The following ZNF521 variants were observed in gnomAD, a reference collection of about 807,000 sequenced individuals.
ZNF521 encodes the protein zinc finger protein 521.
ZNF521 carries 14 observed loss-of-function variants against 105.5 expected under a neutral mutation model. That is an observed-to-expected ratio of 0.13 (90% confidence interval 0.09 to 0.21). The LOEUF is 0.21. Among genes scored for constraint, ZNF521 ranks in the 10% least tolerant of loss-of-function variants. The probability of loss-of-function intolerance (pLI) is 1.00; values close to 1 mark genes in which losing one functional copy is unlikely to be tolerated. For missense variants in ZNF521, 1,233 were observed against 1,629.7 expected, an observed-to-expected ratio of 0.76 and a Z score of 4.19; for synonymous variants, 635 against 606.0, an observed-to-expected ratio of 1.05 and a Z score of -0.70.
intron 5 of ZNF521, among the ~76,000 whole-genome samples, chr18:25,102,132 T>G (rs2033977489): frequency 6.6e-6 from 1 of 152,136 alleles, no homozygotes; most frequent in East Asian, 1.9e-4. Flanking sequence ...TATAAAGCAA[T>G]TAATATCCCT....
intron 3 of ZNF521, among the ~76,000 whole-genome samples, chr18:25,284,458 C>T (rs890689371): frequency 4.6e-5 from 7 of 152,040 alleles, no homozygotes; most frequent in Admixed American, 1.3e-4. Flanking sequence ...AATAACAATA[C>T]GTCACACAAA....
intron 3 of ZNF521, among the ~76,000 whole-genome samples, chr18:25,308,572 G>C (rs897394586): frequency 5.9e-5 from 9 of 151,312 alleles, no homozygotes; most frequent in Admixed American, 5.9e-4. Context: ...TCTCGGCCTG[G>C]CTAACTCTTG....
intron 3 of ZNF521, among the ~76,000 whole-genome samples, chr18:25,282,007 A>G (rs113201088): frequency 0.042 from 6,424 of 152,004 alleles, 452 homozygotes; most frequent in African/African-American, 0.15. Flanking sequence ...TGTTTTTCAG[A>G]CTCTTGAAAA....
At chr18:25,313,389 A>G (rs1912429737) in intron 3 of ZNF521, among the ~76,000 whole-genome samples, 1 of 152,192 alleles carries the variant, frequency 6.6e-6, no homozygotes, top group South Asian at 2.1e-4. Flanking sequence ...CAACAAGAAA[A>G]CAGCAAATCT....
At chr18:25,254,708 G>A (rs1254564956) in intron 3 of ZNF521, among the ~76,000 whole-genome samples, 1 of 152,106 alleles carries the variant, frequency 6.6e-6, no homozygotes, top group African/African-American at 2.4e-5. Flanking sequence ...GTAGCCCACT[G>A]TAAAAATGGA....
chr18:25,162,268 A>T (rs978632706), intron 5 of ZNF521, among the ~76,000 whole-genome samples: 3 of 152,238 alleles, frequency 2.0e-5, no homozygotes, highest in Admixed American at 6.5e-5. Flanking sequence ...TATCATTCTA[A>T]GATACTTGCA....
intron 5 of ZNF521, among the ~76,000 whole-genome samples, chr18:25,157,174 G>T (rs1033230010): frequency 1.3e-5 from 2 of 152,034 alleles, no homozygotes; most frequent in East Asian, 3.9e-4. Context: ...TCCAGCCTGG[G>T]TGACAGAGTG....
At chr18:25,146,626 C>A (rs182428258) in intron 5 of ZNF521, among the ~76,000 whole-genome samples, 1 of 152,276 alleles carries the variant, frequency 6.6e-6, no homozygotes, top group East Asian at 1.9e-4. Context: ...ATAACCCTTG[C>A]CACTTGGCCT....
intron 5 of ZNF521, among the ~76,000 whole-genome samples, chr18:25,160,828 T>C (rs71360595): frequency 2.8e-3 from 429 of 152,222 alleles, no homozygotes; most frequent in Non-Finnish European, 4.7e-3. Context: ...TGTGTGTATA[T>C]GTGTGTGTTT....
chr18:25,339,273 T>C (rs1300664124), intron 2 of ZNF521, among the ~76,000 whole-genome samples: 1 of 152,220 alleles, frequency 6.6e-6, no homozygotes, highest in Non-Finnish European at 1.5e-5. Context: ...TGGTTCCATA[T>C]TGTCTCCCTA....
intron 5 of ZNF521, among the ~76,000 whole-genome samples, chr18:25,122,181 A>G (rs1205193001): frequency 1.3e-5 from 2 of 152,214 alleles, no homozygotes; most frequent in African/African-American, 4.8e-5. Context: ...ACAGCAGATT[A>G]GACATTACAG....
chr18:25,197,661 CTAAT>C (rs1368436394), intron 4 of ZNF521, among the ~76,000 whole-genome samples: 1 of 151,720 alleles, frequency 6.6e-6, no homozygotes, highest in Admixed American at 6.6e-5. Flanking sequence ...AGAATTCTTC[CTAAT>C]TCTAGACCCA....
chr18:25,132,587 C>T (rs763500309), intron 5 of ZNF521, among the ~76,000 whole-genome samples: 6 of 152,120 alleles, frequency 3.9e-5, no homozygotes, highest in Non-Finnish European at 8.8e-5. Context: ...TCTGAAGGCT[C>T]CCAGTAGTGA....
At chr18:25,071,247 G>A (rs564142470) in intron 7 of ZNF521, among the ~76,000 whole-genome samples, 3 of 152,280 alleles carry the variant, frequency 2.0e-5, no homozygotes, top group South Asian at 2.1e-4. Flanking sequence ...ATGGGTGAAC[G>A]TGGGCAAGTA....
Position 25,224,756 on chromosome 18 carries a change from G to C in ZNF521, c.3162C>G (p.Thr1054=), listed in dbSNP as rs765638087. The C allele has an allele frequency of 1.9e-6, 3 of 1,613,838 alleles. No homozygotes were observed. The African/African-American group carries it at 4.0e-5, about 22-fold the overall frequency. Reference sequence around the variant, plus strand: ...TTTGGACGTGCTGGCCCCGCCCTGTGGTCTGAACTGCAGACCCATTCCCTG... The same window carrying C: ...TTTGGACGTGCTGGCCCCGCCCTGTCGTCTGAACTGCAGACCCATTCCCTG... ...QKTGNGSAVQ[T]TGRGQHVQKL... is the part of the protein sequence containing the mutation. The change falls in exon 4 of 8, where the codon ACC becomes ACG. Residue 1054 remains threonine, a synonymous_variant. Transcript: ENST00000361524.
chr18:25,326,855 C>T (rs145270639), intron 2 of ZNF521, among the ~76,000 whole-genome samples: 4 of 152,250 alleles, frequency 2.6e-5, no homozygotes, highest in South Asian at 2.1e-4. Context: ...TATATACTCA[C>T]GCAAACTTAA....
rs182367648 is a variant in ZNF521 at position 25,204,281 on chromosome 18, G to A, written c.3574-9037C>T. ...AAGCTACTACTACATTTATAATTGA[G>A]TAAAAAAGTTGAGCCATTTTTAAAA... is the stretch of plus-strand genomic sequence containing the variant. On this transcript the variant is annotated intron_variant, in intron 4 of 7. Coordinates refer to ENST00000361524, the MANE Select transcript of ZNF521 (RefSeq NM_015461.3). Among the ~76,000 whole-genome samples the A allele has an allele frequency of 4.8e-4, 73 of 152,194 alleles. 1 individual carries two copies. Among genetic ancestry groups the A allele is most frequent in the Non-Finnish European group, 4.4e-5 (3 of 68,010 alleles).
intron 5 of ZNF521, among the ~76,000 whole-genome samples, chr18:25,151,058 G>A (rs1366492285): frequency 6.6e-6 from 1 of 151,678 alleles, no homozygotes; most frequent in Non-Finnish European, 1.5e-5. Context: ...CCAAAGTGCT[G>A]GGATCACAGG....
chr18:25,174,412 G>A (rs1382684321), intron 5 of ZNF521, among the ~76,000 whole-genome samples: 1 of 152,112 alleles, frequency 6.6e-6, no homozygotes, highest in East Asian at 1.9e-4. Context: ...TCCATTCCAC[G>A]TGAACATTAG....
Sources: allele counts gnomAD v4.1 joint callset (sites outside exome capture counted in the v4.1 genomes callset), GRCh38; gene constraint gnomAD v4.1.1; transcripts MANE v1.5; gene names NCBI Gene and HGNC (gene_info 2026-07-23, HGNC 2026-07-21).